Variants in DNAI7 observed in about 807,000 individuals in gnomAD.
The protein encoded by DNAI7 is dynein axonemal intermediate chain 7, also known as cancer susceptibility 1.
A neutral mutation model predicts 86.6 loss-of-function variants in DNAI7; 78 were observed. The observed-to-expected ratio is 0.90, with a 90% CI of 0.75 to 1.09. The LOEUF (loss-of-function observed/expected upper bound fraction) is 1.09, where lower values mean the gene tolerates loss of function less well. DNAI7 is among the 50% of genes least tolerant of loss of function. The pLI is 0.00. For missense variants in DNAI7, 753 were observed against 810.2 expected, an observed-to-expected ratio of 0.93 and a Z score of 0.86; for synonymous variants, 274 against 273.0, an observed-to-expected ratio of 1.00 and a Z score of -0.04.
intron 15 of DNAI7, among the ~76,000 whole-genome samples, chr12:25,109,041 A>G (rs951915694): frequency 6.6e-6 from 1 of 152,164 alleles, no homozygotes; most frequent in East Asian, 1.9e-4. Context: ...TCATGCAACA[A>G]ATATTTATTG....
rs181615452 is a variant in DNAI7 at position 25,130,470 on chromosome 12, G to A, written c.1003-7184C>T. 8.4e-3 allele frequency among the ~76,000 whole-genome samples: 1,280 copies of A among 152,238 alleles called. 9 individuals carry two copies. Among genetic ancestry groups the A allele is most frequent in the Middle Eastern group, 0.065 (19 of 294 alleles). On this transcript the variant is annotated intron_variant, in intron 9 of 15. Transcript: ENST00000395987. ...AAGAATGGCATAAACCTGGGAGGCA[G>A]AGCTTGCAGTGAGCCGAGATAGCGC... is the stretch of plus-strand genomic sequence containing the variant.
At chr12:25,170,525 A>G (rs145398757) in intron 2 of DNAI7, among the ~76,000 whole-genome samples, 1 of 152,388 alleles carries the variant, frequency 6.6e-6, no homozygotes, top group Non-Finnish European at 1.5e-5. Flanking sequence ...TAACACAACA[A>G]TAATGGAGGA....
chr12:25,181,356 C>T (rs1221151709), intron 2 of DNAI7, among the ~76,000 whole-genome samples: 1 of 151,886 alleles, frequency 6.6e-6, no homozygotes, highest in South Asian at 2.1e-4. Flanking sequence ...CGGCCTCAAG[C>T]AATCCTTCTG....
At chr12:25,183,427 A>G (rs929208195) in intron 2 of DNAI7, among the ~76,000 whole-genome samples, 7 of 151,950 alleles carry the variant, frequency 4.6e-5, no homozygotes, top group African/African-American at 1.7e-4. Context: ...AAACAAATAA[A>G]CAAAAATCCT....
chr12:25,141,492 A>G (rs930443469), intron 9 of DNAI7, among the ~76,000 whole-genome samples: 1 of 152,238 alleles, frequency 6.6e-6, no homozygotes, highest in Non-Finnish European at 1.5e-5. Context: ...TATTAAGGAC[A>G]TCCAAATCAA....
intron 4 of DNAI7, among the ~76,000 whole-genome samples, chr12:25,158,094 TG>T (rs1257714315): frequency 2.6e-5 from 4 of 152,060 alleles, no homozygotes; most frequent in African/African-American, 9.7e-5. Context: ...CCGGGTGTGG[TG>T]GCAGGCACCT....
chr12:25,157,837 A>AT (rs66535304), intron 4 of DNAI7, among the ~76,000 whole-genome samples: 12,018 of 143,262 alleles, frequency 0.084, 493 homozygotes, highest in African/African-American at 0.097. Flanking sequence ...AATATTTTGA[A>AT]TTTTTTTTTT....
intron 4 of DNAI7, among the ~76,000 whole-genome samples, 188 bp from the exon 5 acceptor site, chr12:25,155,600 C>T (rs1946065604): frequency 6.6e-6 from 1 of 152,226 alleles, no homozygotes; most frequent in East Asian, 1.9e-4. Flanking sequence ...GTGTGATCTA[C>T]AGACTCTTGA....
At chr12:25,112,913 T>C (rs1030108113) in intron 13 of DNAI7, among the ~76,000 whole-genome samples, 30 of 152,320 alleles carry the variant, frequency 2.0e-4, no homozygotes, top group African/African-American at 7.2e-4. Context: ...GGCTGGTAGC[T>C]ACCACATTAG....
Position 25,138,412 on chromosome 12 carries a change from G to A in DNAI7, c.1002+5953C>T, listed in dbSNP as rs529595101. 5.9e-5 allele frequency among the ~76,000 whole-genome samples: 9 copies of A among 152,202 alleles called. 1 individual carries two copies. Among genetic ancestry groups the A allele is most frequent in the African/African-American group, 1.9e-4 (8 of 41,512 alleles). The stretch of plus-strand genomic sequence containing the variant: ...CAGGAGGCAGAGGCTGCAGTGAGCT[G>A]AGATCACACCACTACACTCCAGCCT... On this transcript the variant is annotated intron_variant, in intron 9 of 15. Coordinates refer to ENST00000395987, the MANE Select transcript of DNAI7 (RefSeq NM_018272.5).
At chr12:25,184,485 C>T (rs1342852566) in intron 2 of DNAI7, among the ~76,000 whole-genome samples, 2 of 152,124 alleles carry the variant, frequency 1.3e-5, no homozygotes, top group Non-Finnish European at 2.9e-5. Flanking sequence ...TATTCCAATG[C>T]ATAGATATAC....
chr12:25,154,371 T>G lies in DNAI7; in HGVS notation c.386A>C (p.Lys129Thr). Residue 129 changes from lysine (K) to threonine (T), a missense_variant, in exon 6 of 16, where the codon AAA becomes ACA. Lys to Thr is a moderately conservative substitution (Grantham distance 78). Coordinates refer to ENST00000395987, the MANE Select transcript of DNAI7 (RefSeq NM_018272.5). ...CACTTCCTCAAAAGTCTCATTTGTT[T>G]TCTCTTTCCACAAACTAATAAACGT... ...MNTFISLWKE[K>T]TNETFEEVIE... 1 of 1,611,624 alleles carries G rather than the reference T, an allele frequency of 6.2e-7. No homozygotes were observed. Among genetic ancestry groups the G allele is most frequent in the East Asian group, 2.2e-5 (1 of 44,746 alleles).
rs77156774 is a variant in DNAI7 at position 25,110,376 on chromosome 12, T to G, written c.1780-136A>C. ...TAAGTCAGAGTACATGACTCCTCTC[T>G]CAACACTGGGCAATGGCTTTCCTTT... On this transcript the variant is annotated intron_variant, in intron 14 of 15. Transcript: ENST00000395987. 7.3e-3 allele frequency: 4,516 copies of G among 617,432 alleles called. 28 individuals carry two copies. The highest frequency in any genetic ancestry group is 0.01 in the Non-Finnish European group (3,590 of 345,652). The allele number at this position is 617,432 out of a possible 1,614,324, so 38.2% of individuals were successfully genotyped here. A position where few individuals can be genotyped will look rare whatever the true frequency, so the allele number is the denominator to read the frequency against.
At chr12:25,187,627 G>T (rs987844913) in intron 2 of DNAI7, among the ~76,000 whole-genome samples, 3 of 151,988 alleles carry the variant, frequency 2.0e-5, no homozygotes, top group African/African-American at 7.2e-5. Context: ...CCTTGATTGT[G>T]ATAGCAAAAA....
chr12:25,116,383 C>A (rs1940100036), intron 12 of DNAI7, among the ~76,000 whole-genome samples: 1 of 152,050 alleles, frequency 6.6e-6, no homozygotes, highest in African/African-American at 2.4e-5. Context: ...CAAAATGTTT[C>A]CCCATGGTTT....
Position 25,163,137 on chromosome 12 carries a change from A to T in DNAI7, c.22-1940T>A, listed in dbSNP as rs1008810441. On this transcript the variant is annotated intron_variant, in intron 2 of 15. Transcript: ENST00000395987. ...CAAAAATGCAAGTTTAAAAGCAAAA[A>T]CAAAAAACAAAACCAAAGTATACAG... Among the ~76,000 whole-genome samples, 8 of 152,284 alleles carry T rather than the reference A, an allele frequency of 5.3e-5. No individual in the cohort carries two copies. In the South Asian group the frequency reaches 1.0e-3, roughly 20 times the overall value.
chr12:25,107,933 T>G, downstream of DNAI7: 1 of 1,614,212 alleles, frequency 6.2e-7, no homozygotes, highest in Non-Finnish European at 8.5e-7. Context: ...ATGAGCTTCC[T>G]CACAGGCCAA....
chr12:25,142,037 A>G (rs993579398), intron 9 of DNAI7, among the ~76,000 whole-genome samples: 1 of 152,228 alleles, frequency 6.6e-6, no homozygotes, highest in Non-Finnish European at 1.5e-5. Flanking sequence ...TGAAAAGGAC[A>G]CTTGCACATG....
chr12:25,130,614 G>A (rs1477464897), intron 9 of DNAI7, among the ~76,000 whole-genome samples: 1 of 151,672 alleles, frequency 6.6e-6, no homozygotes, highest in Non-Finnish European at 1.5e-5. Flanking sequence ...TCCTGTATAT[G>A]TTTGCTTAAA....
Sources: allele counts gnomAD v4.1 joint callset (sites outside exome capture counted in the v4.1 genomes callset), GRCh38; gene constraint gnomAD v4.1.1; transcripts MANE v1.5; gene names NCBI Gene and HGNC (gene_info 2026-07-23, HGNC 2026-07-21).